PRDM2: variants seen among roughly 807,000 people sequenced by gnomAD.
PRDM2 encodes the protein PR domain zinc finger protein 2.
In PRDM2, 30 loss-of-function variants were observed where a neutral mutation model predicts 130.0. That is an observed-to-expected ratio of 0.23 (90% CI 0.17 to 0.31). The LOEUF is 0.31. PRDM2 is among the 10% of genes least tolerant of loss of function. PRDM2 has a pLI of 1.00. For missense variants in PRDM2, 2,011 were observed against 2,108.4 expected (o/e 0.95, Z 0.90); for synonymous variants, 871 against 782.4 (o/e 1.11, Z -1.89).
At chr1:13,760,308 C>A (rs1644065427) in intron 6 of PRDM2, among the ~76,000 whole-genome samples, 1 of 152,048 alleles carries the variant, frequency 6.6e-6, no homozygotes, top group South Asian at 2.1e-4. Context: ...CTTCCCCCTA[C>A]CTTCAGTTTC....
intron 2 of PRDM2, among the ~76,000 whole-genome samples, chr1:13,716,179 T>G (rs1557595911): frequency 6.6e-6 from 1 of 151,826 alleles, no homozygotes; most frequent in Non-Finnish European, 1.5e-5. Context: ...AAATCATCAT[T>G]CTCAGTAAAC....
At chr1:13,750,239 G>T (rs1003041422) in intron 6 of PRDM2, among the ~76,000 whole-genome samples, 40 of 151,866 alleles carry the variant, frequency 2.6e-4, no homozygotes, top group Non-Finnish European at 4.4e-5. Flanking sequence ...TTTCCAGTGG[G>T]CATACTGACA....
At chr1:13,729,811 C>T (rs970925974) in intron 2 of PRDM2, among the ~76,000 whole-genome samples, 4 of 152,114 alleles carry the variant, frequency 2.6e-5, no homozygotes, top group Admixed American at 6.5e-5. Context: ...CTCTAGATGC[C>T]CTCTCTTGGG....
At chr1:13,723,633 C>T (rs532972342) in intron 2 of PRDM2, among the ~76,000 whole-genome samples, 1 of 152,284 alleles carries the variant, frequency 6.6e-6, no homozygotes, top group East Asian at 1.9e-4. Flanking sequence ...AGGACTGGGA[C>T]TCATTTGCTG....
Position 13,781,370 on chromosome 1 carries a change from T to G in PRDM2, c.3575T>G (p.Val1192Gly). The G allele has an allele frequency of 6.2e-7, 1 of 1,614,188 alleles. No homozygotes were observed. The highest frequency in any genetic ancestry group is 8.5e-7 in the Non-Finnish European group (1 of 1,180,038). The change falls in exon 8 of 10, where the codon GTG becomes GGG. Residue 1192 changes from valine to glycine, a missense_variant. By Grantham distance (109) the Val-to-Gly change is moderately radical. Coordinates refer to ENST00000311066, the MANE Select transcript of PRDM2 (RefSeq NM_001393986.1). The surrounding 1 kb of genome is among the most constrained non-coding windows in gnomAD (Gnocchi z 6.1). ...FLLHGVGNIF[V>G]CSVCKKEFAF... ...CTTCATGGAGTTGGGAATATCTTTG[T>G]GTGTTCTGTTTGTAAAAAAGAATTT...
At chr1:13,716,363 G>A (rs1031773623) in intron 2 of PRDM2, among the ~76,000 whole-genome samples, 2 of 151,624 alleles carry the variant, frequency 1.3e-5, no homozygotes, top group Non-Finnish European at 2.9e-5. Context: ...TGACGAGTTA[G>A]TGGGTGCAGC....
chr1:13,778,385 ACTTCCATGCTTCTG>A lies in PRDM2; in HGVS notation c.623-24_623-11del. 1 of 1,544,674 alleles carries A rather than the reference ACTTCCATGCTTCTG, an allele frequency of 6.5e-7. No individual in the cohort carries two copies. ...CCAAGTAGCTGGTTTCCCATGCTTC[ACTTCCATGCTTCTG>A]CTTCCATGTGCTTTCTAGGTCCTAA... On this transcript the variant is annotated intron_variant, in intron 7 of 9. Transcript: ENST00000311066.
chr1:13,786,501 T>C, intron 8 of PRDM2: 1 of 1,610,754 alleles, frequency 6.2e-7, no homozygotes, highest in East Asian at 2.2e-5. Flanking sequence ...ATCTTCAGTT[T>C]TCTTATTTTC....
At chr1:13,744,871 C>T (rs766732578) in intron 5 of PRDM2, among the ~76,000 whole-genome samples, 1 of 152,094 alleles carries the variant, frequency 6.6e-6, no homozygotes, top group Non-Finnish European at 1.5e-5. Context: ...TTAAGTGTCC[C>T]GTGGGTTAGG....
At chr1:13,748,684 G>A (rs1643692310) in intron 5 of PRDM2, among the ~76,000 whole-genome samples, 1 of 152,194 alleles carries the variant, frequency 6.6e-6, no homozygotes, top group African/African-American at 2.4e-5. Context: ...CCAGTCATAC[G>A]TGGCTTAAGA....
At chr1:13,793,213 C>T (rs554978067) in intron 8 of PRDM2, among the ~76,000 whole-genome samples, 2 of 152,366 alleles carry the variant, frequency 1.3e-5, no homozygotes, top group African/African-American at 4.8e-5. Context: ...AGCTTCCTGG[C>T]CTGTAGGGGA....
Position 13,738,121 on chromosome 1 carries a change from T to A in PRDM2, c.232-3884T>A, listed in dbSNP as rs190405663. 8.7e-4 allele frequency among the ~76,000 whole-genome samples: 132 copies of A among 152,316 alleles called. 1 individual carries two copies. Among genetic ancestry groups the A allele is most frequent in the Admixed American group, 3.3e-3 (50 of 15,302 alleles). ...AAAGTGTTTCAGTGAAAGCCTTTTTTAAATAAGGGCCTTTTTAAAAATAAT... is the reference window on the plus strand; with the variant it reads ...AAAGTGTTTCAGTGAAAGCCTTTTTAAAATAAGGGCCTTTTTAAAAATAAT... On this transcript the variant is annotated intron_variant, in intron 4 of 9. Transcript: ENST00000311066.
Position 13,779,385 on chromosome 1 carries a change from G to C in PRDM2, c.1590G>C (p.Gln530His), listed in dbSNP as rs779692335. The stretch of plus-strand genomic sequence containing the variant: ...AAGAGCCCCAGCCTCCAGCAGAACA[G>C]GCCCAGGCCACCCAGAACGTGTATG... ...GLEEPQPPAE[Q>H]AQATQNVYVP... is the part of the protein sequence containing the mutation. Residue 530 changes from glutamine to histidine, a missense_variant, in exon 8 of 10, where the codon CAG (glutamine) becomes CAC (histidine). Physicochemically the swap from Gln to His is conservative, Grantham distance 24 (BLOSUM62 0). Around this residue, in one of 5 missense-constraint regions of PRDM2, gnomAD observed 1,288 missense variants for 1,237.7 expected, o/e 1.04. Transcript: ENST00000311066. The surrounding 1 kb of genome is among the most constrained non-coding windows in gnomAD (Gnocchi z 4.9). The C allele has an allele frequency of 2.5e-6, 4 of 1,614,208 alleles. No individual in the cohort carries two copies. Among genetic ancestry groups the C allele is most frequent in the Admixed American group, 1.7e-5 (1 of 60,026 alleles).
intron 8 of PRDM2, among the ~76,000 whole-genome samples, chr1:13,810,284 C>T (rs894370926): frequency 6.6e-6 from 1 of 152,224 alleles, no homozygotes; most frequent in African/African-American, 2.4e-5. Flanking sequence ...TACCCTTGAA[C>T]TTGCCCTCCT....
chr1:13,742,627 CTG>C (rs1338130950), intron 5 of PRDM2, among the ~76,000 whole-genome samples: 2 of 152,150 alleles, frequency 1.3e-5, no homozygotes, highest in Non-Finnish European at 1.5e-5. Context: ...ATATGGTTAC[CTG>C]TGTGTGTCAT....
At chr1:13,726,687 T>G (rs1171685905) in intron 2 of PRDM2, among the ~76,000 whole-genome samples, 1 of 152,212 alleles carries the variant, frequency 6.6e-6, no homozygotes, top group Non-Finnish European at 1.5e-5. Flanking sequence ...TGACTTAAAT[T>G]TAACATGTTA....
chr1:13,756,452 G>C (rs567350188), intron 6 of PRDM2, among the ~76,000 whole-genome samples: 1 of 152,238 alleles, frequency 6.6e-6, no homozygotes, highest in East Asian at 1.9e-4. Context: ...GCCAAGTACA[G>C]GCCTGAAGTT....
chr1:13,754,482 C>A (rs888480769), intron 6 of PRDM2, among the ~76,000 whole-genome samples: 1 of 152,240 alleles, frequency 6.6e-6, no homozygotes. Flanking sequence ...GAATTTGAAC[C>A]AGTTTTCCCA....
In PRDM2 at chr1:13,824,555, A is replaced by T. The variant is rs747561135; in HGVS notation, c.*1420A>T. The T allele has an allele frequency of 6.6e-6, 1 of 152,106 alleles. No homozygotes were observed. Among genetic ancestry groups the T allele is most frequent in the Non-Finnish European group, 1.5e-5 (1 of 68,020 alleles). The allele number at this position is 152,106 out of a possible 1,614,324, so 9.4% of individuals were successfully genotyped here. ...ATGCGGACCCTCACATGGGCAGAAA[A>T]ATGGTGGTCATTGGCCGACATCACA... is the stretch of plus-strand genomic sequence containing the variant. On this transcript the variant is annotated 3_prime_UTR_variant, in exon 10 of 10. Coordinates refer to ENST00000311066, the MANE Select transcript of PRDM2 (RefSeq NM_001393986.1).
Sources: allele counts gnomAD v4.1 joint callset (sites outside exome capture counted in the v4.1 genomes callset), GRCh38; gene constraint gnomAD v4.1.1; regional missense constraint gnomAD v4.1.1; non-coding constraint Gnocchi (gnomAD v3.1); transcripts MANE v1.5; gene names NCBI Gene and HGNC (gene_info 2026-07-23, HGNC 2026-07-21).